Variants in PRKCH observed in about 807,000 individuals in gnomAD.
PRKCH encodes the protein protein kinase C eta type.
A neutral mutation model predicts 82.5 loss-of-function variants in PRKCH; 28 were observed. That is an observed-to-expected ratio of 0.34 (90% CI 0.25 to 0.47). The LOEUF (loss-of-function observed/expected upper bound fraction) is 0.47. Among genes scored for constraint, PRKCH ranks in the 20% least tolerant of loss-of-function variants. The pLI is 1.00. For missense variants in PRKCH, 705 were observed against 881.8 expected (o/e 0.80, Z 2.54); for synonymous variants, 322 against 327.4 (o/e 0.98, Z 0.18).
At chr14:61,416,360 C>T (rs1174561879) in intron 2 of PRKCH, among the ~76,000 whole-genome samples, 3 of 152,084 alleles carry the variant, frequency 2.0e-5, no homozygotes, top group African/African-American at 4.8e-5. Context: ...CAGTCAATTT[C>T]CTCCCTTTTT....
intron 1 of PRKCH, among the ~76,000 whole-genome samples, chr14:61,246,742 G>A (rs1234091403): frequency 6.6e-6 from 1 of 152,048 alleles, no homozygotes; most frequent in Non-Finnish European, 1.5e-5. Flanking sequence ...ATTTATGTGT[G>A]TGTGTATTTA....
chr14:61,360,391 G>C (rs2046208577), intron 1 of PRKCH, among the ~76,000 whole-genome samples: 1 of 152,056 alleles, frequency 6.6e-6, no homozygotes, highest in African/African-American at 2.4e-5. Flanking sequence ...TGTAATCCCA[G>C]CTACTCGGGA....
intron 1 of PRKCH, among the ~76,000 whole-genome samples, chr14:61,208,143 T>C (rs1445587896): frequency 6.6e-6 from 1 of 152,230 alleles, no homozygotes; most frequent in African/African-American, 2.4e-5. Flanking sequence ...TTAATCAGTG[T>C]TTAATTACAA....
chr14:61,502,945 C>T (rs1886984211), intron 10 of PRKCH, among the ~76,000 whole-genome samples: 1 of 148,596 alleles, frequency 6.7e-6, no homozygotes. Context: ...GGATGTGTGG[C>T]TCTTGGGTTG....
At chr14:61,253,796 G>A (rs1351860367) in intron 1 of PRKCH, among the ~76,000 whole-genome samples, 2 of 152,152 alleles carry the variant, frequency 1.3e-5, no homozygotes, top group African/African-American at 4.8e-5. Flanking sequence ...TGGATTGGTT[G>A]TAGTGTCCAC....
intron 1 of PRKCH, 173 bp downstream of exon 1, chr14:61,322,637 T>A: frequency 1.2e-6 from 1 of 869,262 alleles, no homozygotes; most frequent in South Asian, 1.8e-5. Flanking sequence ...GCGGTGGGTG[T>A]GTGCAGGCGC....
intron 10 of PRKCH, 184 bp from the exon 11 acceptor site, chr14:61,528,891 A>C (rs2043006176): frequency 2.1e-6 from 1 of 475,764 alleles, no homozygotes; most frequent in Non-Finnish European, 3.5e-6. Flanking sequence ...GACTTGATCT[A>C]AATGTGTCAT....
rs774586464 is a variant in PRKCH at position 61,549,816 on chromosome 14, A to G, written c.2037A>G (p.Pro679=). The G allele has an allele frequency of 1.1e-5, 17 of 1,613,946 alleles. No homozygotes were observed. The highest frequency in any genetic ancestry group is 1.4e-5 in the Non-Finnish European group (17 of 1,180,018). The part of the protein sequence containing the change: ...DEFRNFSYVS[P]ELQP The stretch of plus-strand genomic sequence containing the variant: ...TTAGAAACTTTTCCTATGTGTCTCC[A>G]GAATTGCAACCATAGCCTTATGGGG... The change falls in exon 14 of 14, where the codon CCA becomes CCG. Residue 679 remains proline, a synonymous_variant. Transcript: ENST00000332981.
At chr14:61,194,622 C>T (rs1227810954) in intron 1 of PRKCH, among the ~76,000 whole-genome samples, 5 of 152,204 alleles carry the variant, frequency 3.3e-5, no homozygotes, top group African/African-American at 1.2e-4. Flanking sequence ...ATTGTTATAG[C>T]AGCCCAAACA....
intron 12 of PRKCH, among the ~76,000 whole-genome samples, chr14:61,546,867 GAA>G (rs2043264383): frequency 6.6e-6 from 1 of 152,218 alleles, no homozygotes; most frequent in Non-Finnish European, 1.5e-5. Context: ...CTCCGGCCAT[GAA>G]AAGTGAATTA....
intron 1 of PRKCH, among the ~76,000 whole-genome samples, chr14:61,357,657 A>T (rs1566836720): frequency 6.6e-6 from 1 of 152,146 alleles, no homozygotes; most frequent in Non-Finnish European, 1.5e-5. Flanking sequence ...TATAGTCCTT[A>T]TCTTTCTGGA....
At chr14:61,353,544 G>A (rs888375037) in intron 1 of PRKCH, 31 of 152,270 alleles carry the variant, frequency 2.0e-4, no homozygotes, top group African/African-American at 6.5e-4. Context: ...AAATGTCAGT[G>A]GATAAAAATA....
At chr14:61,361,625 C>T (rs2140161593) in intron 1 of PRKCH, among the ~76,000 whole-genome samples, 1 of 152,252 alleles carries the variant, frequency 6.6e-6, no homozygotes, top group South Asian at 2.1e-4. Flanking sequence ...GGCTTGGGAT[C>T]AGATAGACTG....
chr14:61,432,863 C>T (rs982509595), intron 2 of PRKCH, among the ~76,000 whole-genome samples: 7 of 151,678 alleles, frequency 4.6e-5, no homozygotes, highest in Non-Finnish European at 4.4e-5. Context: ...CGTGAGCCAC[C>T]GTGATCCCCT....
At chr14:61,470,717 G>A (rs1299486863) in intron 9 of PRKCH, among the ~76,000 whole-genome samples, 3 of 152,060 alleles carry the variant, frequency 2.0e-5, no homozygotes, top group Non-Finnish European at 1.5e-5. Flanking sequence ...TGTTACAAAT[G>A]GGAGTCCTGG....
chr14:61,397,932 T>C (rs1255737802), intron 2 of PRKCH, among the ~76,000 whole-genome samples: 1 of 152,198 alleles, frequency 6.6e-6, no homozygotes, highest in Admixed American at 6.5e-5. Context: ...AAAACTCTTT[T>C]ACATTCATTG....
At chr14:61,478,443 G>A (rs1365276809) in intron 9 of PRKCH, among the ~76,000 whole-genome samples, 1 of 152,106 alleles carries the variant, frequency 6.6e-6, no homozygotes, top group Non-Finnish European at 1.5e-5. Context: ...AGCTTCTATT[G>A]ATTGAGATTC....
At chr14:61,436,707 A>G (rs1409840380) in intron 2 of PRKCH, among the ~76,000 whole-genome samples, 3 of 152,024 alleles carry the variant, frequency 2.0e-5, no homozygotes, top group African/African-American at 4.8e-5. Flanking sequence ...TAATTTTTGT[A>G]TTTTTAATAG....
chr14:61,453,579 T>C (rs1884619590), intron 7 of PRKCH, among the ~76,000 whole-genome samples: 1 of 151,300 alleles, frequency 6.6e-6, no homozygotes. Flanking sequence ...TCCCTTTTTT[T>C]TCTCTCTCTC....
Sources: gnomAD v4.1 joint callset for allele counts (sites outside exome capture counted in the v4.1 genomes callset) on GRCh38, gnomAD v4.1.1 for gene constraint, MANE v1.5 for transcripts, NCBI Gene and HGNC (gene_info 2026-07-23, HGNC 2026-07-21) for gene names.